ARMH3: variants seen among roughly 807,000 people sequenced by gnomAD.
ARMH3 encodes armadillo-like helical domain-containing protein 3.
In ARMH3, 60 loss-of-function variants were observed where a neutral mutation model predicts 99.1. The ratio of observed to expected loss-of-function variants is 0.61; its 90% confidence interval spans 0.49 to 0.75. The LOEUF (loss-of-function observed/expected upper bound fraction) is 0.75. Among genes scored for constraint, ARMH3 ranks in the 30% least tolerant of loss-of-function variants. The pLI is 0.00. For synonymous variants in ARMH3, 285 were observed against 292.8 expected, an observed-to-expected ratio of 0.97 and a Z score of 0.27; for missense variants, 679 against 843.1, an observed-to-expected ratio of 0.81 and a Z score of 2.41.
chr10:101,931,010 C>A (rs1328346452), intron 23 of ARMH3, among the ~76,000 whole-genome samples: 1 of 152,152 alleles, frequency 6.6e-6, no homozygotes, highest in Non-Finnish European at 1.5e-5. Context: ...AGTAATGGTA[C>A]AGCAAGGACT....
At chr10:101,965,720 G>A (rs1845501970) in intron 20 of ARMH3, among the ~76,000 whole-genome samples, 1 of 152,158 alleles carries the variant, frequency 6.6e-6, no homozygotes, top group Non-Finnish European at 1.5e-5. Flanking sequence ...GGAAGTGAGT[G>A]CTCAATACAC....
intron 24 of ARMH3, among the ~76,000 whole-genome samples, chr10:101,887,187 G>A (rs1221202549): frequency 6.6e-6 from 1 of 152,094 alleles, no homozygotes; most frequent in African/African-American, 2.4e-5. Context: ...AAATCAGTTA[G>A]AGAAGAGAAG....
rs761505625 is a variant in ARMH3 at position 101,995,365 on chromosome 10, A to G, written c.1151-10T>C. ...TGAAGCCTGTGTTCATCTGTAAAGA[A>G]AAAAGAAACTCTTCTCTGTAAATCA... On this transcript the variant is annotated splice_polypyrimidine_tract_variant and intron_variant, in intron 15 of 25. Coordinates refer to ENST00000370033, the MANE Select transcript of ARMH3 (RefSeq NM_024541.3). The G allele has an allele frequency of 5.0e-6, 8 of 1,610,260 alleles. No individual in the cohort carries two copies. In the East Asian group the frequency reaches 1.6e-4, roughly 31 times the overall value.
intron 20 of ARMH3, among the ~76,000 whole-genome samples, chr10:101,968,315 C>T (rs1845625044): frequency 6.6e-6 from 1 of 152,090 alleles, no homozygotes; most frequent in Non-Finnish European, 1.5e-5. Context: ...CAAAATCACC[C>T]TTTAAGAAAT....
At chr10:101,912,723 G>A (rs1453444931) in intron 23 of ARMH3, among the ~76,000 whole-genome samples, 2 of 152,204 alleles carry the variant, frequency 1.3e-5, no homozygotes, top group African/African-American at 4.8e-5. Flanking sequence ...GGTGGTGACA[G>A]CAGACATCCA....
At chr10:102,000,516 T>C (rs2066329730) in intron 15 of ARMH3, among the ~76,000 whole-genome samples, 1 of 151,506 alleles carries the variant, frequency 6.6e-6, no homozygotes, top group African/African-American at 2.4e-5. Flanking sequence ...CCCAGTACTT[T>C]GGGAGGCCAA....
chr10:101,984,174 TG>T (rs1394746138), intron 19 of ARMH3, among the ~76,000 whole-genome samples: 2 of 152,196 alleles, frequency 1.3e-5, no homozygotes, highest in Admixed American at 6.5e-5. Flanking sequence ...AAAAACACTA[TG>T]TTTTTTTACA....
At chr10:102,037,222 C>T (rs1022347644) in intron 2 of ARMH3, among the ~76,000 whole-genome samples, 1 of 146,720 alleles carries the variant, frequency 6.8e-6, no homozygotes, top group Non-Finnish European at 1.5e-5. Context: ...TGCTCTGTCA[C>T]CCAGGCTGTA....
At chr10:102,014,934 T>C (rs1439024563) in intron 8 of ARMH3, among the ~76,000 whole-genome samples, 1 of 152,156 alleles carries the variant, frequency 6.6e-6, no homozygotes, top group Non-Finnish European at 1.5e-5. Context: ...TGGCAGTTTC[T>C]ACAGCTACCA....
intron 22 of ARMH3, among the ~76,000 whole-genome samples, chr10:101,952,249 A>AT (rs1451857042): frequency 6.6e-6 from 1 of 152,236 alleles, no homozygotes; most frequent in African/African-American, 2.4e-5. Context: ...ATCATCAGTG[A>AT]TAAGTCAGGG....
At position 101,956,762 on chromosome 10, in the gene ARMH3, T is replaced by A. The variant is rs555920688; in HGVS notation, c.1579-39A>T. 1.9e-6 allele frequency: 3 copies of A among 1,599,156 alleles called. No individual in the cohort carries two copies. In the South Asian group the frequency reaches 3.3e-5, roughly 18 times the overall value. On this transcript the variant is annotated intron_variant, in intron 21 of 25. Transcript: ENST00000370033. ...AAAGGCCCATATATAGGCATCAGGC[T>A]ATGAAGACTAAAAATTATCAGTGGT... is the stretch of plus-strand genomic sequence containing the variant.
chr10:101,913,643 GGC>G (rs1390655965), intron 23 of ARMH3, among the ~76,000 whole-genome samples: 1 of 152,198 alleles, frequency 6.6e-6, no homozygotes, highest in Admixed American at 6.5e-5. Flanking sequence ...TGGGATTATA[GGC>G]GTAAGCCACT....
chr10:102,011,356 T>TAA (rs2136110326), intron 11 of ARMH3, among the ~76,000 whole-genome samples: 1 of 152,252 alleles, frequency 6.6e-6, no homozygotes, highest in Non-Finnish European at 1.5e-5. Flanking sequence ...GGTCAGTGCC[T>TAA]AAACGGAGCC....
At chr10:101,867,839 A>G (rs1057189508) in intron 24 of ARMH3, among the ~76,000 whole-genome samples, 1 of 151,990 alleles carries the variant, frequency 6.6e-6, no homozygotes, top group Non-Finnish European at 1.5e-5. Flanking sequence ...CCCAAAAAAA[A>G]AAGAAAAAGC....
At chr10:101,999,933 A>G (rs1337619204) in intron 15 of ARMH3, among the ~76,000 whole-genome samples, 2 of 152,058 alleles carry the variant, frequency 1.3e-5, no homozygotes, top group Non-Finnish European at 1.5e-5. Flanking sequence ...AAATACAAAA[A>G]TTAGCCAGGT....
chr10:101,990,759 A>C lies in ARMH3; in HGVS notation c.1346-148T>G, dbSNP rs867230925. 9.3e-6 allele frequency: 6 copies of C among 646,594 alleles called. No homozygotes were observed. In the South Asian group the frequency reaches 1.1e-4, roughly 12 times the overall value. The allele number at this position is 646,594 out of a possible 1,614,324, so 40.1% of individuals were successfully genotyped here. A position where few individuals can be genotyped will look rare whatever the true frequency, so the allele number is the denominator to read the frequency against. On this transcript the variant is annotated intron_variant, in intron 18 of 25. Transcript: ENST00000370033. ...CTTTATTCATATACACTTATTTTATATAACGCATTTTGTGTAACACTGTTC... is the reference window on the plus strand; with the variant it reads ...CTTTATTCATATACACTTATTTTATCTAACGCATTTTGTGTAACACTGTTC...
chr10:101,962,403 C>CTTT (rs79925746), intron 20 of ARMH3, among the ~76,000 whole-genome samples: 3 of 143,444 alleles, frequency 2.1e-5, no homozygotes, highest in Non-Finnish European at 3.1e-5. Flanking sequence ...TCAAACTTTC[C>CTTT]TTTTTTTTTT....
Position 101,851,106 on chromosome 10 carries a change from T to C in ARMH3, c.1861-1214A>G, listed in dbSNP as rs188163702. Among the ~76,000 whole-genome samples the C allele has an allele frequency of 1.2e-3, 177 of 152,328 alleles. 1 individual carries two copies. Among genetic ancestry groups the C allele is most frequent in the African/African-American group, 3.9e-3 (164 of 41,568 alleles). Reference sequence around the variant, plus strand: ...CCCAGCCTTTGGGTATAGGGTACGCTTTCAAGACTAAGCTAGAGCCTTTAT... The same window carrying C: ...CCCAGCCTTTGGGTATAGGGTACGCCTTCAAGACTAAGCTAGAGCCTTTAT... On this transcript the variant is annotated intron_variant, in intron 24 of 25. Transcript: ENST00000370033.
intron 23 of ARMH3, among the ~76,000 whole-genome samples, chr10:101,892,260 C>T (rs1439617735): frequency 6.6e-6 from 1 of 151,766 alleles, no homozygotes; most frequent in Admixed American, 6.6e-5. Flanking sequence ...GCCTGAGCAA[C>T]ATGGTGAGAC....
Sources: gnomAD v4.1 joint callset for allele counts (sites outside exome capture counted in the v4.1 genomes callset) on GRCh38, gnomAD v4.1.1 for gene constraint, MANE v1.5 for transcripts, NCBI Gene and HGNC (gene_info 2026-07-23, HGNC 2026-07-21) for gene names.